Variants in CEP63 observed in about 807,000 individuals in gnomAD.
CEP63 encodes the protein centrosomal protein of 63 kDa.
In CEP63, 84 loss-of-function variants were observed where a neutral mutation model predicts 89.1. That is an observed-to-expected ratio of 0.94 (90% CI 0.79 to 1.13). The LOEUF (loss-of-function observed/expected upper bound fraction) is 1.13. Among genes scored for constraint, CEP63 ranks in the 50% most tolerant of loss-of-function variants. The pLI is 0.00. For synonymous variants in CEP63, 267 were observed against 272.5 expected, an observed-to-expected ratio of 0.98 and a Z score of 0.20; for missense variants, 838 against 813.3, an observed-to-expected ratio of 1.03 and a Z score of -0.37.
At chr3:134,496,247 T>G (rs1167191657) in intron 2 of CEP63, among the ~76,000 whole-genome samples, 1 of 152,142 alleles carries the variant, frequency 6.6e-6, no homozygotes, top group African/African-American at 2.4e-5. Context: ...AAGGAGGCAT[T>G]TCCCCCTAGT....
chr3:134,541,245 A>G (rs544847044), intron 6 of CEP63, among the ~76,000 whole-genome samples: 2 of 152,208 alleles, frequency 1.3e-5, no homozygotes, highest in South Asian at 4.1e-4. Context: ...AGTTAATTAG[A>G]ATTGCTTAAT....
chr3:134,487,965 T>A (rs1936217805), intron 1 of CEP63: 1 of 152,234 alleles, frequency 6.6e-6, no homozygotes, highest in Non-Finnish European at 1.5e-5. Context: ...GCAGATTGCA[T>A]CGCACAGTAT....
In CEP63 at chr3:134,540,979, A is replaced by G. The variant is rs984605980; in HGVS notation, c.555+3711A>G. ...GTATTTTCAGTAGAGACAGGGTTTC[A>G]CCATGTTGGCCATGTTGGTCTTGAA... On this transcript the variant is annotated intron_variant, in intron 6 of 14. Coordinates refer to ENST00000675561, the MANE Select transcript of CEP63 (RefSeq NM_001353108.3). Among the ~76,000 whole-genome samples, 27 of 151,864 alleles carry G rather than the reference A, an allele frequency of 1.8e-4. 1 individual carries two copies. The highest frequency in any genetic ancestry group is 2.5e-4 in the Non-Finnish European group (17 of 67,958).
the CEP63 span, among the ~76,000 whole-genome samples, chr3:134,655,963 C>A: frequency 7.2e-5 from 11 of 152,056 alleles, no homozygotes; most frequent in Admixed American, 7.2e-4. Context: ...GAGCAGTAGC[C>A]CTGCCAGGGA....
In CEP63 at chr3:134,488,967, C is replaced by T. The variant is rs978291694; in HGVS notation, c.-26+2765C>T. 9.9e-4 allele frequency among the ~76,000 whole-genome samples: 150 copies of T among 152,086 alleles called. 2 individuals are homozygous for T. Among genetic ancestry groups the T allele is most frequent in the Non-Finnish European group, 8.8e-4 (60 of 67,988 alleles). On this transcript the variant is annotated intron_variant, in intron 1 of 14. Coordinates refer to ENST00000675561, the MANE Select transcript of CEP63 (RefSeq NM_001353108.3). Reference sequence around the variant, plus strand: ...GGTCAGGAGTTCGAGACCAGCCTGACCAACATGGTGAAACCCCGTCTCTAC... The same window carrying T: ...GGTCAGGAGTTCGAGACCAGCCTGATCAACATGGTGAAACCCCGTCTCTAC...
chr3:134,488,032 C>G (rs1936245563), intron 1 of CEP63: 1 of 152,196 alleles, frequency 6.6e-6, no homozygotes, highest in African/African-American at 2.4e-5. Flanking sequence ...CCCCCAAACC[C>G]GGGGCCGCAG....
At chr3:134,754,840 A>G in the CEP63 span, among the ~76,000 whole-genome samples, 1 of 152,292 alleles carries the variant, frequency 6.6e-6, no homozygotes, top group South Asian at 2.1e-4. Context: ...GAGACAGGCA[A>G]GCATTTAGCT....
At chr3:134,714,419 A>C in the CEP63 span, among the ~76,000 whole-genome samples, 1 of 152,190 alleles carries the variant, frequency 6.6e-6, no homozygotes, top group African/African-American at 2.4e-5. Flanking sequence ...GTGCTAATTC[A>C]TGTCCCATCT....
the CEP63 span, among the ~76,000 whole-genome samples, chr3:134,685,108 T>C: frequency 6.6e-6 from 1 of 152,224 alleles, no homozygotes; most frequent in Non-Finnish European, 1.5e-5. Context: ...TTTCTGAATT[T>C]ATGGTTTAAA....
chr3:134,747,484 C>T, the CEP63 span, among the ~76,000 whole-genome samples: 1 of 152,170 alleles, frequency 6.6e-6, no homozygotes, highest in Admixed American at 6.5e-5. Context: ...AGTGTATGTT[C>T]ACAGATTTGG....
At chr3:134,699,247 C>T in the CEP63 span, among the ~76,000 whole-genome samples, 1 of 152,178 alleles carries the variant, frequency 6.6e-6, no homozygotes, top group Admixed American at 6.5e-5. Flanking sequence ...GACTAAAGTC[C>T]AGTCCTTAGA....
At chr3:134,596,877 C>A in the CEP63 span, among the ~76,000 whole-genome samples, 1 of 152,158 alleles carries the variant, frequency 6.6e-6, no homozygotes, top group Admixed American at 6.5e-5. Flanking sequence ...TTCCCCATGG[C>A]TTGGGCAGTG....
At chr3:134,682,297 T>A in the CEP63 span, among the ~76,000 whole-genome samples, 1 of 152,198 alleles carries the variant, frequency 6.6e-6, no homozygotes, top group Non-Finnish European at 1.5e-5. Context: ...GGGTACCTTT[T>A]TAGCTAAAAC....
At chr3:134,623,607 C>T in the CEP63 span, among the ~76,000 whole-genome samples, 2 of 151,530 alleles carry the variant, frequency 1.3e-5, no homozygotes, top group African/African-American at 4.9e-5. Context: ...CTAGCCTCCC[C>T]GTCTCTGCAG....
In CEP63 at chr3:134,564,952, A is replaced by C; in HGVS notation, c.*3417A>C. 1 of 980,898 alleles carries C rather than the reference A, an allele frequency of 1.0e-6. No homozygotes were observed. The highest frequency in any genetic ancestry group is 1.2e-6 in the Non-Finnish European group (1 of 825,764). 60.8% of individuals were successfully genotyped at this position (980,898 alleles called of 1,614,324 possible). A position where few individuals can be genotyped will look rare whatever the true frequency, so the allele number is the denominator to read the frequency against. ...TAATGGGTTGTCCAAATTTGTCAGA[A>C]CATTTGACTGTAATTTAATGTCTCA... On this transcript the variant is annotated 3_prime_UTR_variant, in exon 15 of 15. Coordinates refer to ENST00000675561, the MANE Select transcript of CEP63 (RefSeq NM_001353108.3).
chr3:134,670,571 G>A, the CEP63 span, among the ~76,000 whole-genome samples: 6 of 152,196 alleles, frequency 3.9e-5, no homozygotes, highest in African/African-American at 1.2e-4. Flanking sequence ...TCTCACATTA[G>A]CAGGACAGTG....
chr3:134,538,090 G>A (rs1951135667), intron 6 of CEP63, among the ~76,000 whole-genome samples: 1 of 151,212 alleles, frequency 6.6e-6, no homozygotes, highest in Non-Finnish European at 1.5e-5. Context: ...AGTGCTTCTT[G>A]TATGTGTTCT....
At chr3:134,734,963 T>A in the CEP63 span, among the ~76,000 whole-genome samples, 1 of 152,154 alleles carries the variant, frequency 6.6e-6, no homozygotes, top group Non-Finnish European at 1.5e-5. Flanking sequence ...GTTTTCAAAC[T>A]TCTTCTATAG....
At chr3:134,730,738 A>G in the CEP63 span, among the ~76,000 whole-genome samples, 1 of 152,268 alleles carries the variant, frequency 6.6e-6, no homozygotes, top group East Asian at 1.9e-4. Context: ...TGTGCTTTAT[A>G]ATATAAATAT....
Sources: gnomAD v4.1 joint callset for allele counts (sites outside exome capture counted in the v4.1 genomes callset) on GRCh38, gnomAD v4.1.1 for gene constraint, MANE v1.5 for transcripts, NCBI Gene and HGNC (gene_info 2026-07-23, HGNC 2026-07-21) for gene names.